The following CDH13 variants were observed in gnomAD, a reference collection of about 807,000 sequenced individuals.
The protein encoded by CDH13 is cadherin 13.
A neutral mutation model predicts 63.8 loss-of-function variants in CDH13; 24 were observed. That is an observed-to-expected ratio of 0.38 (90% CI 0.27 to 0.53). The LOEUF is 0.53. Ranked by LOEUF, CDH13 falls within the 20% of genes least tolerant of loss-of-function variation. The probability of loss-of-function intolerance (pLI) is 0.85; values close to 1 mark genes in which losing one functional copy is unlikely to be tolerated. For synonymous variants in CDH13, 503 were observed against 355.3 expected, an observed-to-expected ratio of 1.42 and a Z score of -4.67; for missense variants, 1,049 against 903.1, an observed-to-expected ratio of 1.16 and a Z score of -2.07.
At chr16:83,497,158 T>G (rs1166404595) in intron 7 of CDH13, among the ~76,000 whole-genome samples, 10 of 152,166 alleles carry the variant, frequency 6.6e-5, no homozygotes, top group Admixed American at 6.5e-4. Flanking sequence ...ATCCCATTAC[T>G]GGGTATATAC....
At chr16:83,253,780 T>C (rs1905877858) in intron 5 of CDH13, among the ~76,000 whole-genome samples, 1 of 152,244 alleles carries the variant, frequency 6.6e-6, no homozygotes, top group Non-Finnish European at 1.5e-5. Flanking sequence ...CTTAGATTTG[T>C]CATTATGTAC....
At chr16:82,835,317 C>G (rs982241370) in intron 1 of CDH13, among the ~76,000 whole-genome samples, 1 of 152,192 alleles carries the variant, frequency 6.6e-6, no homozygotes, top group African/African-American at 2.4e-5. Context: ...AATTTATGCT[C>G]CTTCTGACAT....
chr16:83,184,011 G>A (rs9932287), intron 4 of CDH13, among the ~76,000 whole-genome samples: 16,111 of 151,132 alleles, frequency 0.11, 1,889 homozygotes, highest in African/African-American at 0.3. Flanking sequence ...CTAAGCCATA[G>A]CACTGATTGT....
intron 2 of CDH13, among the ~76,000 whole-genome samples, chr16:82,897,985 C>G (rs532412436): frequency 1.3e-5 from 2 of 152,166 alleles, no homozygotes; most frequent in Non-Finnish European, 2.9e-5. Context: ...ATACAGTAAG[C>G]CACGTGGAGC....
chr16:83,418,302 A>C (rs1004685708), intron 6 of CDH13, among the ~76,000 whole-genome samples: 3 of 152,222 alleles, frequency 2.0e-5, no homozygotes, highest in Non-Finnish European at 4.4e-5. Flanking sequence ...GTCAGTACCC[A>C]GTAACTGTTA....
chr16:83,095,357 A>G lies in CDH13; in HGVS notation c.367-30028A>G, dbSNP rs1197842629. On this transcript the variant is annotated intron_variant, in intron 3 of 13. Transcript: ENST00000567109. ...GTACGGACAAAAAAAGATAAATAAA[A>G]CAACAAAAAACTTACTAAATGCCAT... 2.0e-5 allele frequency among the ~76,000 whole-genome samples: 3 copies of G among 152,312 alleles called. 1 individual carries two copies. Among genetic ancestry groups the G allele is most frequent in the Admixed American group, 2.0e-4 (3 of 15,302 alleles).
intron 2 of CDH13, among the ~76,000 whole-genome samples, chr16:82,982,244 T>A (rs1910363901): frequency 6.6e-6 from 1 of 152,156 alleles, no homozygotes; most frequent in Non-Finnish European, 1.5e-5. Flanking sequence ...CTTCTTATTT[T>A]ATAAATAATA....
At chr16:82,975,299 C>G (rs1198977602) in intron 2 of CDH13, among the ~76,000 whole-genome samples, 1 of 152,152 alleles carries the variant, frequency 6.6e-6, no homozygotes, top group Non-Finnish European at 1.5e-5. Flanking sequence ...GGAGACAAAA[C>G]CCGTGCGCCT....
intron 5 of CDH13, among the ~76,000 whole-genome samples, chr16:83,326,021 G>A (rs975840829): frequency 1.3e-5 from 2 of 152,080 alleles, no homozygotes; most frequent in Non-Finnish European, 2.9e-5. Flanking sequence ...TACAAAGTAC[G>A]CAGGCAAGCA....
intron 1 of CDH13, among the ~76,000 whole-genome samples, chr16:82,688,189 C>G (rs899849783): frequency 6.6e-6 from 1 of 152,140 alleles, no homozygotes; most frequent in Non-Finnish European, 1.5e-5. Flanking sequence ...CAAGAGATCT[C>G]GTCCAACACT....
intron 2 of CDH13, among the ~76,000 whole-genome samples, chr16:82,893,762 A>G (rs1862681): frequency 0.43 from 64,903 of 151,944 alleles, 14,743 homozygotes; most frequent in East Asian, 0.83. Flanking sequence ...CGTCTAGGTC[A>G]GTAGAACCTC....
intron 5 of CDH13, among the ~76,000 whole-genome samples, chr16:83,309,327 G>T (rs1314996607): frequency 6.6e-6 from 1 of 152,084 alleles, no homozygotes; most frequent in African/African-American, 2.4e-5. Context: ...ACTGTCTTCA[G>T]CAGATGTCCT....
At chr16:82,670,639 G>A (rs774864386) in intron 1 of CDH13, among the ~76,000 whole-genome samples, 1 of 152,176 alleles carries the variant, frequency 6.6e-6, no homozygotes, top group African/African-American at 2.4e-5. Context: ...AATGAGCTAG[G>A]CATTTGCAAT....
chr16:83,229,372 AT>A (rs1388274922), intron 5 of CDH13, among the ~76,000 whole-genome samples: 4 of 152,116 alleles, frequency 2.6e-5, no homozygotes, highest in Non-Finnish European at 4.4e-5. Context: ...GAAAACCTTT[AT>A]TTTTTAATTC....
chr16:83,158,129 A>G (rs1266217948), intron 4 of CDH13, among the ~76,000 whole-genome samples: 1 of 151,918 alleles, frequency 6.6e-6, no homozygotes, highest in Non-Finnish European at 1.5e-5. Context: ...AGGGGATAAG[A>G]TCAGGAAGAG....
intron 5 of CDH13, among the ~76,000 whole-genome samples, chr16:83,232,905 G>A (rs2040044600): frequency 6.6e-6 from 1 of 152,134 alleles, no homozygotes. Flanking sequence ...AAGCTTATAA[G>A]TTTCCCCTTT....
At chr16:82,749,108 G>T (rs1420662907) in intron 1 of CDH13, among the ~76,000 whole-genome samples, 1 of 151,832 alleles carries the variant, frequency 6.6e-6, no homozygotes. Context: ...TTTTCAAATG[G>T]ACACAGTGAG....
intron 1 of CDH13, among the ~76,000 whole-genome samples, chr16:82,837,103 C>T (rs1597751861): frequency 6.6e-6 from 1 of 152,184 alleles, no homozygotes; most frequent in Non-Finnish European, 1.5e-5. Context: ...GCAAAAGCGT[C>T]CCTGTATTTT....
At chr16:82,796,625 A>T (rs1189341177) in intron 1 of CDH13, among the ~76,000 whole-genome samples, 1 of 152,190 alleles carries the variant, frequency 6.6e-6, no homozygotes, top group Non-Finnish European at 1.5e-5. Context: ...GGTGTTCCAC[A>T]CTTGATTCCA....
Sources: allele counts gnomAD v4.1 joint callset (sites outside exome capture counted in the v4.1 genomes callset), GRCh38; gene constraint gnomAD v4.1.1; transcripts MANE v1.5; gene names NCBI Gene and HGNC (gene_info 2026-07-23, HGNC 2026-07-21).